Variants in CDH18 observed in about 807,000 individuals in gnomAD.
CDH18 encodes the protein cadherin-18.
In CDH18, 31 loss-of-function variants were observed where a neutral mutation model predicts 67.9. The observed-to-expected ratio is 0.46, with a 90% CI of 0.34 to 0.62. The LOEUF (loss-of-function observed/expected upper bound fraction) is 0.62, where lower values mean the gene tolerates loss of function less well. Among genes scored for constraint, CDH18 ranks in the 20% least tolerant of loss-of-function variants. The pLI, the probability that CDH18 is intolerant of heterozygous loss-of-function variation, is 0.01. For missense variants in CDH18, 890 were observed against 975.5 expected (o/e 0.91, Z 1.17); for synonymous variants, 362 against 347.2 (o/e 1.04, Z -0.48).
At chr5:19,514,883 G>A in intron 10 of CDH18, among the ~76,000 whole-genome samples, 1 of 152,112 alleles carries the variant, frequency 6.6e-6, no homozygotes, top group East Asian at 1.9e-4. Flanking sequence ...GGCTTTTGTT[G>A]CCATTGCTTT....
intron 3 of CDH18, among the ~76,000 whole-genome samples, chr5:19,824,332 G>A (rs145660453): frequency 1.2e-4 from 19 of 152,276 alleles, no homozygotes; most frequent in African/African-American, 4.1e-4. Flanking sequence ...GCAGAGAGGA[G>A]TAGAGCTAGA....
At chr5:20,402,230 C>T (rs941273043) in intron 1 of CDH18, among the ~76,000 whole-genome samples, 1 of 152,026 alleles carries the variant, frequency 6.6e-6, no homozygotes, top group African/African-American at 2.4e-5. Context: ...TCTAGCATAC[C>T]ACATTCTTAC....
At chr5:20,411,595 T>A (rs1209793109) in intron 1 of CDH18, among the ~76,000 whole-genome samples, 1 of 151,012 alleles carries the variant, frequency 6.6e-6, no homozygotes, top group Non-Finnish European at 1.5e-5. Context: ...AAATGATGGA[T>A]AAACGGGACT....
chr5:19,698,422 G>A (rs1762809348), intron 5 of CDH18, among the ~76,000 whole-genome samples: 1 of 151,990 alleles, frequency 6.6e-6, no homozygotes, highest in South Asian at 2.1e-4. Flanking sequence ...TCAGGAGAGA[G>A]GTGGTTCTCA....
At position 19,483,152 on chromosome 5, in the gene CDH18, A is replaced by C. The variant is rs1015678933; in HGVS notation, c.1882+149T>G. On this transcript the variant is annotated intron_variant, in intron 12 of 12. Coordinates refer to ENST00000382275, the MANE Select transcript of CDH18 (RefSeq NM_004934.5). ...TTTGAATCTAACTATTTTGAGATTA[A>C]TGACAGTATTGAGAAAATTAATTCA... The C allele has an allele frequency of 1.7e-5, 11 of 643,620 alleles. No homozygotes were observed. The African/African-American group carries it at 1.8e-4, about 11-fold the overall frequency. 39.9% of individuals were successfully genotyped at this position (643,620 alleles called of 1,614,324 possible).
intron 3 of CDH18, among the ~76,000 whole-genome samples, chr5:19,765,525 G>A (rs1047872743): frequency 2.0e-5 from 3 of 151,736 alleles, no homozygotes; most frequent in South Asian, 4.2e-4. Context: ...CTGATCTAAC[G>A]TCACAGAACA....
intron 2 of CDH18, among the ~76,000 whole-genome samples, chr5:19,881,583 A>G (rs1359405337): frequency 6.8e-6 from 1 of 147,718 alleles, no homozygotes; most frequent in Non-Finnish European, 1.5e-5. Flanking sequence ...ATCCTGGCTC[A>G]CTGCAATCTC....
In CDH18 at chr5:19,473,344, G is replaced by A. The variant is rs148398791; in HGVS notation, c.2255C>T (p.Ser752Leu). 2.5e-5 allele frequency: 40 copies of A among 1,613,732 alleles called. No homozygotes were observed. The highest frequency in any genetic ancestry group is 4.0e-5 in the African/African-American group (3 of 74,878). ...GQRSEAGSISSLDSATTQSDQ... is the reference protein window; with the variant it reads ...GQRSEAGSISLLDSATTQSDQ... The stretch of plus-strand genomic sequence containing the variant: ...TGATTGTGTCGTTGCTGAATCCAGC[G>A]AGCTGATAGACCCAGCTTCTGATCT... The change falls in exon 13 of 13, where the codon TCG (serine) becomes TTG (leucine). Residue 752 changes from serine (S) to leucine (L), a missense_variant. Around this residue, in one of 2 missense-constraint regions of CDH18, gnomAD observed 656 missense variants for 668.1 expected, o/e 0.98. Coordinates refer to ENST00000382275, the MANE Select transcript of CDH18 (RefSeq NM_004934.5).
chr5:20,079,941 G>C (rs1005196935), intron 2 of CDH18, among the ~76,000 whole-genome samples: 1 of 152,064 alleles, frequency 6.6e-6, no homozygotes, highest in Non-Finnish European at 1.5e-5. Flanking sequence ...AAGTTCTCTT[G>C]TCTCTCCCTA....
chr5:20,266,889 A>G (rs1227532203), intron 1 of CDH18, among the ~76,000 whole-genome samples: 1 of 152,116 alleles, frequency 6.6e-6, no homozygotes, highest in Non-Finnish European at 1.5e-5. Context: ...AAAAAATTGC[A>G]GAACAAAATG....
chr5:19,987,729 G>A (rs1452514287), intron 1 of CDH18, among the ~76,000 whole-genome samples: 1 of 152,110 alleles, frequency 6.6e-6, no homozygotes, highest in East Asian at 1.9e-4. Flanking sequence ...ATAAATGACA[G>A]CTTATACTGA....
chr5:20,433,640 G>C lies in CDH18; in HGVS notation c.-580+141822C>G, dbSNP rs186450097. Reference sequence around the variant, plus strand: ...TCAGGATTTGACCTGTTAGGTTTCAGATGGAAAAGGCAATTAGATATATCT... The same window carrying C: ...TCAGGATTTGACCTGTTAGGTTTCACATGGAAAAGGCAATTAGATATATCT... On this transcript the variant is annotated intron_variant, in intron 1 of 14. Transcript: ENST00000507958. Among the ~76,000 whole-genome samples, 15 of 152,136 alleles carry C rather than the reference G, an allele frequency of 9.9e-5. No individual in the cohort carries two copies. In the East Asian group the frequency reaches 2.9e-3, roughly 29 times the overall value.
At chr5:19,751,862 C>A (rs1770890253) in intron 3 of CDH18, among the ~76,000 whole-genome samples, 2 of 152,170 alleles carry the variant, frequency 1.3e-5, no homozygotes. Flanking sequence ...ATAACTCAGA[C>A]AGACAGAGCA....
chr5:19,983,500 G>A (rs1202690691), intron 1 of CDH18, among the ~76,000 whole-genome samples: 3 of 152,224 alleles, frequency 2.0e-5, no homozygotes, highest in Admixed American at 2.0e-4. Flanking sequence ...CATAGTCCTG[G>A]CATTGAAGGA....
At chr5:19,803,502 A>C (rs77536592) in intron 3 of CDH18, among the ~76,000 whole-genome samples, 1 of 152,126 alleles carries the variant, frequency 6.6e-6, no homozygotes. Flanking sequence ...TGACTATCGT[A>C]ATAGTGCAGA....
intron 12 of CDH18, among the ~76,000 whole-genome samples, chr5:19,477,350 A>T (rs1046162417): frequency 6.6e-6 from 1 of 151,560 alleles, no homozygotes; most frequent in South Asian, 2.1e-4. Flanking sequence ...ATATTTCTGG[A>T]GCAGATGGCA....
At chr5:20,358,170 G>A (rs1332051690) in intron 1 of CDH18, among the ~76,000 whole-genome samples, 1 of 152,098 alleles carries the variant, frequency 6.6e-6, no homozygotes, top group Admixed American at 6.5e-5. Flanking sequence ...AAAGAGGGAG[G>A]GGCGCGAAGG....
At chr5:20,415,953 C>A (rs922487809) in intron 1 of CDH18, among the ~76,000 whole-genome samples, 1 of 151,796 alleles carries the variant, frequency 6.6e-6, no homozygotes, top group Non-Finnish European at 1.5e-5. Context: ...CTCATAAGAA[C>A]AAAACAGAAT....
At chr5:19,802,184 T>C (rs1331747327) in intron 3 of CDH18, among the ~76,000 whole-genome samples, 2 of 152,142 alleles carry the variant, frequency 1.3e-5, no homozygotes, top group Non-Finnish European at 2.9e-5. Flanking sequence ...TTAAAAATAG[T>C]TTATGCTGCC....
Sources: gnomAD v4.1 joint callset for allele counts (sites outside exome capture counted in the v4.1 genomes callset) on GRCh38, gnomAD v4.1.1 for gene constraint, gnomAD v4.1.1 regional missense constraint, MANE v1.5 for transcripts, NCBI Gene and HGNC (gene_info 2026-07-23, HGNC 2026-07-21) for gene names.